Variants in EXOC6B observed in about 807,000 individuals in gnomAD.
The protein encoded by EXOC6B is exocyst complex component 6B, also known as SEC15 homolog B.
Under a neutral mutation model 113.5 loss-of-function variants are expected in EXOC6B, and 54 were observed. The ratio of observed to expected loss-of-function variants is 0.48; its 90% CI spans 0.38 to 0.60. The LOEUF is 0.60. Among genes scored for constraint, EXOC6B ranks in the 20% least tolerant of loss-of-function variants. The probability of loss-of-function intolerance (pLI) is 0.00; values close to 1 mark genes in which losing one functional copy is unlikely to be tolerated. For synonymous variants in EXOC6B, 357 were observed against 339.0 expected, an observed-to-expected ratio of 1.05 and a Z score of -0.58; for missense variants, 797 against 977.5, an observed-to-expected ratio of 0.82 and a Z score of 2.46.
At chr2:72,429,597 T>C (rs1446651066) in intron 18 of EXOC6B, among the ~76,000 whole-genome samples, 1 of 152,238 alleles carries the variant, frequency 6.6e-6, no homozygotes, top group Non-Finnish European at 1.5e-5. Flanking sequence ...AATTTTTTAA[T>C]GTTTTAATTC....
intron 20 of EXOC6B, among the ~76,000 whole-genome samples, chr2:72,320,988 C>A (rs1005780459): frequency 1.3e-5 from 2 of 152,006 alleles, no homozygotes; most frequent in Non-Finnish European, 2.9e-5. Flanking sequence ...AGATTCTCAG[C>A]ATAATTAGTC....
At position 72,590,275 on chromosome 2, in the gene EXOC6B, C is replaced by T. The variant is rs534468752; in HGVS notation, c.670-14607G>A. Among the ~76,000 whole-genome samples, 3 of 151,816 alleles carry T rather than the reference C, an allele frequency of 2.0e-5. No individual in the cohort carries two copies. The East Asian group carries it at 5.8e-4, about 29-fold the overall frequency. On this transcript the variant is annotated intron_variant, in intron 6 of 21. Coordinates refer to ENST00000272427, the MANE Select transcript of EXOC6B (RefSeq NM_015189.3). ...TACCAGTAGTATAAGCTACTGGTAA[C>T]AAAGCAAATCTAGAAAAATAATATG...
Position 72,515,064 on chromosome 2 carries a change from T to C in EXOC6B, c.978A>G (p.Val326=). The change falls in exon 9 of 22, where the codon GTA becomes GTG. Residue 326 remains valine (V), a synonymous_variant. Coordinates refer to ENST00000272427, the MANE Select transcript of EXOC6B (RefSeq NM_015189.3). ...CTACCATGTTAGATGGAGGTTGAAG[T>C]ACCAAACGAGCCTGTTTTCGCCTCT... The part of the protein sequence containing the change: ...RKQRRKQARL[V]LQPPSNMHET... The C allele has an allele frequency of 6.2e-7, 1 of 1,606,772 alleles. No homozygotes were observed.
intron 6 of EXOC6B, among the ~76,000 whole-genome samples, chr2:72,656,467 C>A (rs1436698924): frequency 6.6e-6 from 1 of 151,930 alleles, no homozygotes; most frequent in Non-Finnish European, 1.5e-5. Context: ...ACTAAAGCTT[C>A]ACATCTATGC....
At chr2:72,576,946 A>G (rs1704908338) in intron 6 of EXOC6B, among the ~76,000 whole-genome samples, 1 of 152,138 alleles carries the variant, frequency 6.6e-6, no homozygotes, top group Non-Finnish European at 1.5e-5. Flanking sequence ...GGAAAAAATC[A>G]GTCTCCAAAT....
chr2:72,222,352 T>C (rs960327598), intron 20 of EXOC6B, among the ~76,000 whole-genome samples: 3 of 152,150 alleles, frequency 2.0e-5, no homozygotes, highest in Non-Finnish European at 4.4e-5. Context: ...CCTTAAAGTA[T>C]GGGGGAAAAT....
chr2:72,784,277 G>A (rs909597427), intron 1 of EXOC6B, among the ~76,000 whole-genome samples: 5 of 152,212 alleles, frequency 3.3e-5, no homozygotes, highest in African/African-American at 1.2e-4. Context: ...CAGGCTGTGT[G>A]ATGCCTCTTG....
chr2:72,297,331 T>C (rs1686201694), intron 20 of EXOC6B, among the ~76,000 whole-genome samples: 1 of 152,048 alleles, frequency 6.6e-6, no homozygotes, highest in South Asian at 2.1e-4. Flanking sequence ...TAGTTGTTTT[T>C]TTCCTGTTCC....
intron 6 of EXOC6B, among the ~76,000 whole-genome samples, chr2:72,613,271 T>A (rs796979368): frequency 6.6e-6 from 1 of 152,230 alleles, no homozygotes; most frequent in Admixed American, 6.5e-5. Context: ...TTGTAAACTA[T>A]CTTAACAAAA....
At chr2:72,200,001 A>G (rs1679394260) in intron 20 of EXOC6B, among the ~76,000 whole-genome samples, 1 of 152,042 alleles carries the variant, frequency 6.6e-6, no homozygotes, top group Admixed American at 6.5e-5. Context: ...GGTTCAAGTG[A>G]TTCTCCTGCC....
chr2:72,540,906 T>C (rs1483073845), intron 8 of EXOC6B, among the ~76,000 whole-genome samples: 1 of 152,224 alleles, frequency 6.6e-6, no homozygotes, highest in Non-Finnish European at 1.5e-5. Flanking sequence ...TTTATGACAA[T>C]GTGTTGCATT....
At chr2:72,731,549 AC>A (rs1247206491) in intron 3 of EXOC6B, among the ~76,000 whole-genome samples, 1 of 152,254 alleles carries the variant, frequency 6.6e-6, no homozygotes, top group Non-Finnish European at 1.5e-5. Context: ...AAATAAACCC[AC>A]ACACTTAAAA....
intron 8 of EXOC6B, among the ~76,000 whole-genome samples, chr2:72,549,143 A>T (rs1488295774): frequency 6.6e-6 from 1 of 152,174 alleles, no homozygotes; most frequent in African/African-American, 2.4e-5. Context: ...CATTAAAGTA[A>T]AGTAAGAAAA....
At chr2:72,423,416 A>G (rs147268873) in intron 18 of EXOC6B, among the ~76,000 whole-genome samples, 26 of 152,304 alleles carry the variant, frequency 1.7e-4, no homozygotes, top group African/African-American at 5.5e-4. Context: ...ATTTTGATTC[A>G]TATATAAGAT....
intron 1 of EXOC6B, among the ~76,000 whole-genome samples, chr2:72,795,275 A>G (rs1213414571): frequency 6.6e-6 from 1 of 152,212 alleles, no homozygotes; most frequent in Non-Finnish European, 1.5e-5. Context: ...ATTTTGGTGA[A>G]AGGAACAAGA....
chr2:72,748,373 G>C (rs1228301644), intron 1 of EXOC6B, among the ~76,000 whole-genome samples: 5 of 152,048 alleles, frequency 3.3e-5, no homozygotes, highest in Non-Finnish European at 1.5e-5. Flanking sequence ...ATTTGTGCAT[G>C]ATGTTGAAAG....
chr2:72,543,846 T>C (rs574880644), intron 8 of EXOC6B, among the ~76,000 whole-genome samples: 2 of 152,202 alleles, frequency 1.3e-5, no homozygotes, highest in Non-Finnish European at 2.9e-5. Flanking sequence ...CAGTAAGATA[T>C]GGCAGGAGAC....
intron 18 of EXOC6B, among the ~76,000 whole-genome samples, chr2:72,403,296 T>C (rs1693473956): frequency 6.6e-6 from 1 of 152,228 alleles, no homozygotes; most frequent in Non-Finnish European, 1.5e-5. Flanking sequence ...ATCACTTTTC[T>C]GGTCTGAGTT....
intron 20 of EXOC6B, among the ~76,000 whole-genome samples, chr2:72,192,743 G>A (rs916498077): frequency 9.2e-5 from 14 of 152,106 alleles, no homozygotes; most frequent in Admixed American, 8.5e-4. Context: ...GCATGTTTTC[G>A]CTTGAACAGG....
Sources: allele counts gnomAD v4.1 joint callset (sites outside exome capture counted in the v4.1 genomes callset), GRCh38; gene constraint gnomAD v4.1.1; transcripts MANE v1.5; gene names NCBI Gene and HGNC (gene_info 2026-07-23, HGNC 2026-07-21).